Variants in MYH15 observed in about 807,000 individuals in gnomAD.
MYH15 encodes the protein myosin-15.
Under a neutral mutation model 240.5 loss-of-function variants are expected in MYH15, and 227 were observed. The ratio of observed to expected loss-of-function variants is 0.94; its 90% CI spans 0.85 to 1.05. The LOEUF (loss-of-function observed/expected upper bound fraction) is 1.05, where lower values mean the gene tolerates loss of function less well. MYH15 is among the 50% of genes least tolerant of loss of function. MYH15 has a pLI of 0.00. For synonymous variants in MYH15, 785 were observed against 796.7 expected, an observed-to-expected ratio of 0.99 and a Z score of 0.25; for missense variants, 2,217 against 2,247.5, an observed-to-expected ratio of 0.99 and a Z score of 0.27.
At chr3:108,403,499 T>A (rs1173862461) in intron 33 of MYH15, among the ~76,000 whole-genome samples, 4 of 148,960 alleles carry the variant, frequency 2.7e-5, no homozygotes, top group Admixed American at 1.3e-4. Flanking sequence ...TGTTTGGCTT[T>A]TTTTTTTTTT....
the MYH15 span, among the ~76,000 whole-genome samples, chr3:108,540,115 T>C: frequency 6.6e-6 from 1 of 152,310 alleles, no homozygotes; most frequent in East Asian, 1.9e-4. Context: ...TTAAGATTCA[T>C]TCAAATCAAG....
intron 36 of MYH15, among the ~76,000 whole-genome samples, chr3:108,392,270 T>C (rs1241363602): frequency 6.6e-6 from 1 of 152,210 alleles, no homozygotes; most frequent in Non-Finnish European, 1.5e-5. Context: ...GGATGACTGA[T>C]TATTGAATAA....
chr3:108,530,913 T>C (rs1199203055), upstream of MYH15, among the ~76,000 whole-genome samples: 6 of 152,280 alleles, frequency 3.9e-5, no homozygotes, highest in Middle Eastern at 3.4e-3. Context: ...ATAGGAAATA[T>C]TGAATACAAT....
chr3:108,396,965 T>C (rs1395276632), intron 35 of MYH15, among the ~76,000 whole-genome samples: 1 of 152,212 alleles, frequency 6.6e-6, no homozygotes, highest in East Asian at 1.9e-4. Context: ...TTGGTATCTC[T>C]GGACCCTACT....
intron 1 of MYH15, among the ~76,000 whole-genome samples, chr3:108,521,386 G>A (rs1474936442): frequency 1.3e-5 from 2 of 148,650 alleles, no homozygotes; most frequent in Non-Finnish European, 3.0e-5. Context: ...ATGACTTTTG[G>A]GAAATGATGT....
intron 12 of MYH15, among the ~76,000 whole-genome samples, chr3:108,473,093 C>T (rs763854000): frequency 3.9e-5 from 6 of 152,258 alleles, no homozygotes; most frequent in East Asian, 1.9e-4. Flanking sequence ...CTGCAACCTC[C>T]GCCTCCAAGG....
intron 2 of MYH15, among the ~76,000 whole-genome samples, chr3:108,502,179 T>C (rs1006601369): frequency 3.3e-5 from 5 of 152,170 alleles, no homozygotes; most frequent in African/African-American, 1.2e-4. Context: ...ATCTAACCCC[T>C]AACTCCCAGC....
At position 108,486,492 on chromosome 3, in the gene MYH15, G is replaced by A. The variant is rs370645984; in HGVS notation, c.906C>T (p.Phe302=). ...LLLVSANPSD[F]HFCSCGAVTV... is the part of the protein sequence containing the mutation. Reference sequence around the variant, plus strand: ...TAACTGCTCCACAGGAGCAAAAGTGGAAGTCTGAGGGATTTGCAGATACCA... The same window carrying A: ...TAACTGCTCCACAGGAGCAAAAGTGAAAGTCTGAGGGATTTGCAGATACCA... The change falls in exon 10 of 41, where the codon TTC becomes TTT. Residue 302 remains phenylalanine, a synonymous_variant. Coordinates refer to ENST00000693548, the MANE Select transcript of MYH15 (RefSeq NM_014981.3). 6.2e-7 allele frequency: 1 copy of A among 1,612,414 alleles called. No individual in the cohort carries two copies. The highest frequency in any genetic ancestry group is 8.5e-7 in the Non-Finnish European group (1 of 1,178,876).
At chr3:108,469,973 T>C (rs2107586590) in intron 14 of MYH15, 69 bp downstream of exon 14, 4 of 1,480,750 alleles carry the variant, frequency 2.7e-6, no homozygotes, top group Non-Finnish European at 2.7e-6. Flanking sequence ...AGTCCTGACA[T>C]GGATCAACAT....
At position 108,498,074 on chromosome 3, in the gene MYH15, ATGG is replaced by A. The variant is rs1442720747; in HGVS notation, c.593_595del (p.Ala198_Met199delinsVal). ...TACCTGCTTTTTCCTGGATTCAATC[ATGG>A]CTGCTATGGTGGCAAAATACTGGAT... On this transcript the variant is annotated inframe_deletion, in exon 6 of 41. Coordinates refer to ENST00000693548, the MANE Select transcript of MYH15 (RefSeq NM_014981.3). The A allele has an allele frequency of 1.5e-5, 25 of 1,613,970 alleles. No individual in the cohort carries two copies. The highest frequency in any genetic ancestry group is 2.0e-5 in the Non-Finnish European group (24 of 1,179,980).
At chr3:108,542,088 A>G in the MYH15 span, among the ~76,000 whole-genome samples, 1 of 152,136 alleles carries the variant, frequency 6.6e-6, no homozygotes, top group Admixed American at 6.5e-5. Context: ...CTGTATTAAA[A>G]ATTAAGACTT....
chr3:108,392,133 G>T (rs912404707), intron 36 of MYH15, among the ~76,000 whole-genome samples: 1 of 152,192 alleles, frequency 6.6e-6, no homozygotes, highest in African/African-American at 2.4e-5. Flanking sequence ...AGCTACAGGA[G>T]AGAACAGGGT....
At chr3:108,420,026 G>C (rs888285136) in intron 28 of MYH15, among the ~76,000 whole-genome samples, 1 of 151,920 alleles carries the variant, frequency 6.6e-6, no homozygotes, top group East Asian at 1.9e-4. Flanking sequence ...TGAATTAGAA[G>C]CAGTCATTAT....
chr3:108,546,918 T>C, the MYH15 span, among the ~76,000 whole-genome samples: 1 of 151,972 alleles, frequency 6.6e-6, no homozygotes, highest in South Asian at 2.1e-4. Flanking sequence ...CTGTGTAAGG[T>C]TTCAAAGTGA....
Position 108,437,642 on chromosome 3 carries a change from G to C in MYH15, c.3133C>G (p.His1045Asp), listed in dbSNP as rs758474084. 1 of 1,614,024 alleles carries C rather than the reference G, an allele frequency of 6.2e-7. No homozygotes were observed. Among genetic ancestry groups the C allele is most frequent in the South Asian group, 1.1e-5 (1 of 91,060 alleles). The change falls in exon 25 of 41, where the codon CAC becomes GAC. Residue 1045 changes from histidine (H) to aspartate (D), a missense_variant. Physicochemically the swap from His to Asp is moderately conservative, Grantham distance 81. Coordinates refer to ENST00000693548, the MANE Select transcript of MYH15 (RefSeq NM_014981.3). ...KARMNCEREL[H>D]KLEGNLKLNR... is the part of the protein sequence containing the mutation. ...AGCTTTAAATTGCCCTCCAGTTTGT[G>C]CAGTTCCCTTTCACAGTTCATTCTC... is the stretch of plus-strand genomic sequence containing the variant.
chr3:108,511,028 A>G (rs145903357), upstream of MYH15, among the ~76,000 whole-genome samples: 4 of 152,272 alleles, frequency 2.6e-5, no homozygotes, highest in Middle Eastern at 3.4e-3. Context: ...AGTGAAAGTC[A>G]TAATGCCACC....
intron 29 of MYH15, among the ~76,000 whole-genome samples, chr3:108,415,239 C>G (rs1366800978): frequency 6.6e-6 from 1 of 152,066 alleles, no homozygotes; most frequent in African/African-American, 2.4e-5. Context: ...GACGGGTCCT[C>G]AAGTGTCCTT....
rs758399754 is a variant in MYH15, at chr3:108,383,744, A to C, written c.5632-15T>G. On this transcript the variant is annotated splice_polypyrimidine_tract_variant and intron_variant, in intron 39 of 40. Coordinates refer to ENST00000693548, the MANE Select transcript of MYH15 (RefSeq NM_014981.3). ...GCTTGTGTTTCCTATAAAAATAAAAAAAAAAAAAAAGAAATCTCCATGCCT... is the reference window on the plus strand; with the variant it reads ...GCTTGTGTTTCCTATAAAAATAAAACAAAAAAAAAAGAAATCTCCATGCCT... 37 of 1,533,464 alleles carry C rather than the reference A, an allele frequency of 2.4e-5. No homozygotes were observed. Among genetic ancestry groups the C allele is most frequent in the Middle Eastern group, 3.8e-4 (2 of 5,324 alleles). The allele number at this position is 1,533,464 out of a possible 1,614,324, so 95.0% of individuals were successfully genotyped here. A position where few individuals can be genotyped will look rare whatever the true frequency, so the allele number is the denominator to read the frequency against.
intron 21 of MYH15, among the ~76,000 whole-genome samples, chr3:108,446,984 G>GA (rs2082933818): frequency 6.6e-6 from 1 of 151,862 alleles, no homozygotes; most frequent in African/African-American, 2.4e-5. Context: ...AACAAAGTGA[G>GA]AAAAATAATA....
Sources: allele counts gnomAD v4.1 joint callset (sites outside exome capture counted in the v4.1 genomes callset), GRCh38; gene constraint gnomAD v4.1.1; transcripts MANE v1.5; gene names NCBI Gene and HGNC (gene_info 2026-07-23, HGNC 2026-07-21).